ZNF800: variants seen among roughly 807,000 people sequenced by gnomAD.
The protein encoded by ZNF800 is zinc finger protein 800.
A neutral mutation model predicts 59.5 loss-of-function variants in ZNF800; 13 were observed. The observed-to-expected ratio is 0.22, with a 90% confidence interval of 0.14 to 0.35. The LOEUF is 0.35. Among genes scored for constraint, ZNF800 ranks in the 10% least tolerant of loss-of-function variants. The probability of loss-of-function intolerance (pLI) is 1.00; values close to 1 mark genes in which losing one functional copy is unlikely to be tolerated. For missense variants in ZNF800, 621 were observed against 783.7 expected (o/e 0.79, Z 2.48); for synonymous variants, 266 against 265.7 (o/e 1.00, Z -0.01).
chr7:127,372,549 C>T, intron 5 of ZNF800: 1 of 903,718 alleles, frequency 1.1e-6, no homozygotes, highest in Non-Finnish European at 1.3e-6. Flanking sequence ...TTACGACACA[C>T]AACCACAAAA....
chr7:127,368,754 G>A (rs1362267370), downstream of ZNF800, among the ~76,000 whole-genome samples: 1 of 151,982 alleles, frequency 6.6e-6, no homozygotes, highest in African/African-American at 2.4e-5. Flanking sequence ...ACAGCCTCAT[G>A]CCATAGCAAA....
chr7:127,391,418 G>T (rs1562913230), intron 2 of ZNF800, 79 bp downstream of exon 2: 61 of 1,392,780 alleles, frequency 4.4e-5, no homozygotes, highest in Non-Finnish European at 6.2e-5. Context: ...TGGGGCAGGA[G>T]GAAAAAAAGC....
downstream of ZNF800, among the ~76,000 whole-genome samples, chr7:127,344,804 A>C (rs146616772): frequency 6.6e-5 from 10 of 152,268 alleles, no homozygotes; most frequent in African/African-American, 2.4e-4. Flanking sequence ...CAACTAAATA[A>C]ATATTTAGAC....
chr7:127,371,817 G>A lies in ZNF800; in HGVS notation c.*-3C>T. The A allele has an allele frequency of 1.3e-6, 1 of 767,122 alleles. No homozygotes were observed. Among genetic ancestry groups the A allele is most frequent in the Non-Finnish European group, 2.4e-6 (1 of 412,080 alleles). The allele number at this position is 767,122 out of a possible 1,614,324, so 47.5% of individuals were successfully genotyped here. The stretch of plus-strand genomic sequence containing the variant: ...TTTCGTACATCACTTGAAGTTATCT[G>A]AGGAGAAATGGGAATAAATGAACAC... On this transcript the variant is annotated splice_polypyrimidine_tract_variant and splice_region_variant and intron_variant, in intron 5 of 5. Transcript: ENST00000265827.
chr7:127,381,121 G>C (rs1800963707), intron 3 of ZNF800, among the ~76,000 whole-genome samples: 1 of 152,190 alleles, frequency 6.6e-6, no homozygotes, highest in African/African-American at 2.4e-5. Context: ...TTCTATGCTA[G>C]ACAAAGACAA....
intron 4 of ZNF800, among the ~76,000 whole-genome samples, chr7:127,376,552 C>G (rs1800791723): frequency 6.6e-6 from 1 of 151,878 alleles, no homozygotes; most frequent in Non-Finnish European, 1.5e-5. Flanking sequence ...CTGCTATCTG[C>G]CTTTATCACA....
intron 1 of ZNF800, among the ~76,000 whole-genome samples, 199 bp downstream of exon 1, chr7:127,391,861 G>A (rs1801331045): frequency 6.6e-6 from 1 of 151,760 alleles, no homozygotes; most frequent in African/African-American, 2.4e-5. Context: ...GGCCGGCAGC[G>A]CGGGCGGCTG....
Position 127,392,233 on chromosome 7 carries a change from G to C in ZNF800, c.-232C>G. 1 of 394,278 alleles carries C rather than the reference G, an allele frequency of 2.5e-6. No homozygotes were observed. The highest frequency in any genetic ancestry group is 4.5e-6 in the Non-Finnish European group (1 of 223,114). 24.4% of individuals were successfully genotyped at this position (394,278 alleles called of 1,614,324 possible). A position where few individuals can be genotyped will look rare whatever the true frequency, so the allele number is the denominator to read the frequency against. ...GCGCTCCCAAAGAGTCCCCGCCGGC[G>C]CTGACGCGGAAGCGCCACAGCTCAC... On this transcript the variant is annotated 5_prime_UTR_variant, in exon 1 of 6. Transcript: ENST00000265827.
At chr7:127,363,620 C>T (rs1240358095) in intron 1 of ZNF800, 2 of 151,064 alleles carry the variant, frequency 1.3e-5, no homozygotes, top group African/African-American at 4.9e-5. Flanking sequence ...AGAAGGGAGA[C>T]ACCCAGGAGG....
At chr7:127,368,930 T>C (rs779345866), downstream of ZNF800, among the ~76,000 whole-genome samples, 2 of 151,406 alleles carry the variant, frequency 1.3e-5, no homozygotes, top group Non-Finnish European at 2.9e-5. Flanking sequence ...AATTCATATA[T>C]ACAAAACTAG....
In ZNF800 at chr7:127,391,491, G is replaced by A. The variant is rs753594117; in HGVS notation, c.61+6C>T. 1.2e-6 allele frequency: 2 copies of A among 1,613,966 alleles called. No individual in the cohort carries two copies. Among genetic ancestry groups the A allele is most frequent in the Non-Finnish European group, 1.7e-6 (2 of 1,179,974 alleles). On this transcript the variant is annotated splice_donor_region_variant and intron_variant, in intron 2 of 5. Coordinates refer to ENST00000265827, the MANE Select transcript of ZNF800 (RefSeq NM_176814.5). ...GCAAAGCAACTGCGGACGAAGAGGG[G>A]TCTACCTGGTTCACAGCATCCGTGA...
intron 5 of ZNF800, chr7:127,373,017 A>C (rs566681284): frequency 1.5e-5 from 15 of 985,130 alleles, no homozygotes; most frequent in African/African-American, 1.7e-5. Flanking sequence ...TAAACAGAAG[A>C]CTTCTATTGT....
chr7:127,391,739 C>A (rs1372723245), intron 1 of ZNF800, 124 bp from the exon 2 acceptor site: 4 of 629,636 alleles, frequency 6.4e-6, no homozygotes, highest in Admixed American at 5.0e-5. Context: ...ACCTCCCTCT[C>A]GAAAAGAAAA....
At chr7:127,363,957 T>C (rs1462481144) in intron 1 of ZNF800, 1 of 152,050 alleles carries the variant, frequency 6.6e-6, no homozygotes, top group Non-Finnish European at 1.5e-5. Flanking sequence ...TGTGTAAGGA[T>C]ATGGGAAGGT....
At chr7:127,384,561 C>T (rs1444166072) in intron 3 of ZNF800, among the ~76,000 whole-genome samples, 3 of 151,790 alleles carry the variant, frequency 2.0e-5, no homozygotes, top group Non-Finnish European at 2.9e-5. Context: ...TAAAAAAATG[C>T]TATAGTAAAC....
intron 4 of ZNF800, among the ~76,000 whole-genome samples, chr7:127,375,340 T>C (rs999153927): frequency 6.6e-6 from 1 of 152,106 alleles, no homozygotes. Flanking sequence ...ATAATAAAAA[T>C]GATATTTCAT....
intron 2 of ZNF800, among the ~76,000 whole-genome samples, chr7:127,389,785 T>C (rs1005809942): frequency 6.6e-6 from 1 of 152,070 alleles, no homozygotes; most frequent in Non-Finnish European, 1.5e-5. Context: ...AATTTTAAAC[T>C]AATACAATTT....
chr7:127,354,326 A>T (rs1166156607), intron 1 of ZNF800, among the ~76,000 whole-genome samples: 1 of 152,126 alleles, frequency 6.6e-6, no homozygotes, highest in Non-Finnish European at 1.5e-5. Context: ...GAGGTACTCA[A>T]TATGCTAGAA....
intron 4 of ZNF800, among the ~76,000 whole-genome samples, chr7:127,376,073 A>T (rs1427893395): frequency 6.6e-6 from 1 of 152,022 alleles, no homozygotes; most frequent in Non-Finnish European, 1.5e-5. Flanking sequence ...TATTTTAATT[A>T]AAAGTTTAGA....
Sources: allele counts gnomAD v4.1 joint callset (sites outside exome capture counted in the v4.1 genomes callset), GRCh38; gene constraint gnomAD v4.1.1; transcripts MANE v1.5; gene names NCBI Gene and HGNC (gene_info 2026-07-23, HGNC 2026-07-21).